Variants in CACNA2D1 observed in about 807,000 individuals in gnomAD.
CACNA2D1 encodes the protein calcium voltage-gated channel auxiliary subunit alpha2delta 1, also known as voltage-dependent calcium channel subunit alpha-2/delta-1.
In CACNA2D1, 53 loss-of-function variants were observed where a neutral mutation model predicts 171.5. The observed-to-expected ratio is 0.31, with a 90% CI of 0.25 to 0.39. The LOEUF (loss-of-function observed/expected upper bound fraction) is 0.39, where lower values mean the gene tolerates loss of function less well. Among genes scored for constraint, CACNA2D1 ranks in the 10% least tolerant of loss-of-function variants. The probability of loss-of-function intolerance (pLI) is 1.00; values close to 1 mark genes in which losing one functional copy is unlikely to be tolerated. For missense variants in CACNA2D1, 903 were observed against 1,299.8 expected (o/e 0.69, Z 4.69); for synonymous variants, 442 against 443.1 (o/e 1.00, Z 0.03).
chr7:81,952,713 T>C (rs943034587), intron 38 of CACNA2D1, among the ~76,000 whole-genome samples: 1 of 152,104 alleles, frequency 6.6e-6, no homozygotes, highest in African/African-American at 2.4e-5. Flanking sequence ...TACTTCTCTC[T>C]CCTTTCTTCT....
Position 82,170,562 on chromosome 7 carries a change from T to C in CACNA2D1, c.342A>G (p.Arg114=). The C allele has an allele frequency of 1.2e-6, 2 of 1,612,524 alleles. No homozygotes were observed. Among genetic ancestry groups the C allele is most frequent in the Non-Finnish European group, 1.7e-6 (2 of 1,178,970 alleles). Residue 114 remains arginine, a synonymous_variant, in exon 4 of 39, where the codon AGA becomes AGG. Transcript: ENST00000356860. ...AEKVQAAHQW[R]EDFASNEVVY... ...AAGGGGTTCTTACTGCAAAATCTTC[T>C]CTCCACTGGTGAGCTGCTTGAACTT...
rs1562782846 is a variant in CACNA2D1, at chr7:81,962,033, CG to C, written c.2837-11del. The C allele has an allele frequency of 6.2e-7, 1 of 1,611,750 alleles. No homozygotes were observed. Among genetic ancestry groups the C allele is most frequent in the East Asian group, 2.2e-5 (1 of 44,768 alleles). On this transcript the variant is annotated splice_polypyrimidine_tract_variant and intron_variant, in intron 35 of 38. Coordinates refer to ENST00000356860, the MANE Select transcript of CACNA2D1 (RefSeq NM_000722.4). Reference sequence around the variant, plus strand: ...TCATCCTCCATCTCAACTTGGGTGGCGGGGGACGGTGTAAAAACAAAGAACA... The same window carrying C: ...TCATCCTCCATCTCAACTTGGGTGGCGGGGACGGTGTAAAAACAAAGAACA...
At chr7:82,434,722 A>C (rs1014127041) in intron 1 of CACNA2D1, among the ~76,000 whole-genome samples, 1 of 152,162 alleles carries the variant, frequency 6.6e-6, no homozygotes, top group Non-Finnish European at 1.5e-5. Flanking sequence ...GAATTCCTGG[A>C]AGAAACAATC....
intron 3 of CACNA2D1, among the ~76,000 whole-genome samples, chr7:82,221,887 T>C (rs934283192): frequency 1.3e-5 from 2 of 151,120 alleles, no homozygotes; most frequent in Non-Finnish European, 2.9e-5. Context: ...GATTTTGACA[T>C]GAAGAAAAAA....
chr7:82,440,266 CTA>C (rs1563555584), intron 1 of CACNA2D1, among the ~76,000 whole-genome samples: 1 of 151,766 alleles, frequency 6.6e-6, no homozygotes, highest in African/African-American at 2.4e-5. Context: ...ACAGTTATAA[CTA>C]TATATTTTTT....
chr7:82,323,645 C>T (rs1261750037), intron 3 of CACNA2D1, among the ~76,000 whole-genome samples: 1 of 152,188 alleles, frequency 6.6e-6, no homozygotes, highest in Non-Finnish European at 1.5e-5. Context: ...GTACTAGGCT[C>T]TACAAATTGT....
At chr7:82,334,211 T>A (rs1677165940) in intron 3 of CACNA2D1, among the ~76,000 whole-genome samples, 1 of 152,282 alleles carries the variant, frequency 6.6e-6, no homozygotes, top group East Asian at 1.9e-4. Context: ...TATGTATCAA[T>A]GTGGGCTCAT....
rs574562396 is a variant in CACNA2D1, at chr7:82,057,564, A to C, written c.879+2864T>G. Among the ~76,000 whole-genome samples, 187 of 20,278 alleles carry C rather than the reference A, an allele frequency of 9.2e-3. 1 individual carries two copies. The Middle Eastern group carries it at 0.24, about 26-fold the overall frequency. 13.3% of individuals were successfully genotyped at this position (20,278 alleles called of 152,430 possible). A position where few individuals can be genotyped will look rare whatever the true frequency, so the allele number is the denominator to read the frequency against. On this transcript the variant is annotated intron_variant, in intron 10 of 38. Transcript: ENST00000356860. The stretch of plus-strand genomic sequence containing the variant: ...TCAATTCTCATGCCAGTAGACCTAC[A>C]AGAAAAAAAAAAAATAAGTGATGCT...
intron 5 of CACNA2D1, among the ~76,000 whole-genome samples, chr7:82,123,162 C>T (rs1292883114): frequency 6.6e-6 from 1 of 152,106 alleles, no homozygotes; most frequent in African/African-American, 2.4e-5. Flanking sequence ...AAAGCAGCCC[C>T]AAAAACATAA....
At chr7:82,153,979 C>A (rs988517182) in intron 4 of CACNA2D1, among the ~76,000 whole-genome samples, 3 of 152,102 alleles carry the variant, frequency 2.0e-5, no homozygotes, top group African/African-American at 7.2e-5. Context: ...AGCATTAAAT[C>A]TTGTGTTAAG....
At chr7:82,433,377 T>C (rs1333251119) in intron 1 of CACNA2D1, among the ~76,000 whole-genome samples, 3 of 152,114 alleles carry the variant, frequency 2.0e-5, no homozygotes, top group African/African-American at 7.2e-5. Flanking sequence ...AGTCCATTCC[T>C]CTCAAAATTT....
chr7:82,443,818 CGAGGCG>C (rs1045109916), upstream of CACNA2D1: 1 of 731,188 alleles, frequency 1.4e-6, no homozygotes, highest in Non-Finnish European at 1.8e-6. Flanking sequence ...CCCCGATTGC[CGAGGCG>C]AAGGCGGAGG....
intron 3 of CACNA2D1, among the ~76,000 whole-genome samples, chr7:82,290,901 A>T (rs1350725034): frequency 6.6e-6 from 1 of 151,172 alleles, no homozygotes; most frequent in Non-Finnish European, 1.5e-5. Flanking sequence ...CAGTGAAAGC[A>T]TTATTTTTAA....
rs149949543 is a variant in CACNA2D1 at position 82,344,237 on chromosome 7, C to T, written c.177+5331G>A. ...CAAGTATTTCCATACCATCCCATGCCCTGAGTTATGATAATCACAAGTATT... is the reference window on the plus strand; with the variant it reads ...CAAGTATTTCCATACCATCCCATGCTCTGAGTTATGATAATCACAAGTATT... On this transcript the variant is annotated intron_variant, in intron 2 of 38. Transcript: ENST00000356860. Among the ~76,000 whole-genome samples the T allele has an allele frequency of 4.1e-3, 626 of 152,282 alleles. 2 individuals carry two copies. The highest frequency in any genetic ancestry group is 0.015 in the African/African-American group (610 of 41,568).
At chr7:82,385,945 G>A (rs528436915) in intron 1 of CACNA2D1, among the ~76,000 whole-genome samples, 2 of 152,074 alleles carry the variant, frequency 1.3e-5, no homozygotes, top group Non-Finnish European at 2.9e-5. Flanking sequence ...GATTACAGGC[G>A]TGAACCACCA....
intron 3 of CACNA2D1, among the ~76,000 whole-genome samples, chr7:82,320,888 T>G (rs1815729830): frequency 6.8e-6 from 1 of 146,718 alleles, no homozygotes; most frequent in Admixed American, 6.8e-5. Context: ...CAAAATTGAA[T>G]ACTATAAAAT....
chr7:82,254,242 C>T (rs1039245835), intron 3 of CACNA2D1, among the ~76,000 whole-genome samples: 7 of 151,940 alleles, frequency 4.6e-5, no homozygotes, highest in South Asian at 2.1e-4. Flanking sequence ...TGTGTTTTCC[C>T]GAATGTGCTT....
chr7:82,191,688 TTTCC>T (rs1798311700), intron 3 of CACNA2D1, among the ~76,000 whole-genome samples: 1 of 151,846 alleles, frequency 6.6e-6, no homozygotes, highest in African/African-American at 2.4e-5. Flanking sequence ...GAATAAATAA[TTTCC>T]TTCCTCTCTT....
At chr7:82,269,537 T>C (rs537489398) in intron 3 of CACNA2D1, among the ~76,000 whole-genome samples, 2 of 152,330 alleles carry the variant, frequency 1.3e-5, no homozygotes, top group South Asian at 2.1e-4. Context: ...GAGTTTAAAA[T>C]TGATATGCTT....
Sources: gnomAD v4.1 joint callset for allele counts (sites outside exome capture counted in the v4.1 genomes callset) on GRCh38, gnomAD v4.1.1 for gene constraint, MANE v1.5 for transcripts, NCBI Gene and HGNC (gene_info 2026-07-23, HGNC 2026-07-21) for gene names.